The following GABRG3 variants were observed in gnomAD, a reference collection of about 807,000 sequenced individuals.
GABRG3 encodes the protein gamma-aminobutyric acid type A receptor subunit gamma3.
GABRG3 carries 25 observed loss-of-function variants against 48.8 expected under a neutral mutation model. The observed-to-expected ratio is 0.51, with a 90% CI of 0.37 to 0.72. The LOEUF (loss-of-function observed/expected upper bound fraction) is 0.72. Among genes scored for constraint, GABRG3 ranks in the 30% least tolerant of loss-of-function variants. The pLI, the probability that GABRG3 is intolerant of heterozygous loss-of-function variation, is 0.00. For synonymous variants in GABRG3, 227 were observed against 217.6 expected, an observed-to-expected ratio of 1.04 and a Z score of -0.38; for missense variants, 394 against 577.9, an observed-to-expected ratio of 0.68 and a Z score of 3.26.
At chr15:27,240,751 CTT>C (rs1410098070) in intron 3 of GABRG3, among the ~76,000 whole-genome samples, 1 of 152,126 alleles carries the variant, frequency 6.6e-6, no homozygotes, top group African/African-American at 2.4e-5. Flanking sequence ...TGATCAATAA[CTT>C]TTCACAGAGA....
At chr15:27,244,698 G>C (rs1015360595) in intron 3 of GABRG3, among the ~76,000 whole-genome samples, 1 of 152,074 alleles carries the variant, frequency 6.6e-6, no homozygotes, top group Non-Finnish European at 1.5e-5. Context: ...TGGGAGGATC[G>C]CTTGAGCCCA....
chr15:27,220,937 A>G (rs1889432817), intron 3 of GABRG3, among the ~76,000 whole-genome samples: 1 of 152,078 alleles, frequency 6.6e-6, no homozygotes, highest in African/African-American at 2.4e-5. Flanking sequence ...TTCAGAATGG[A>G]CAATAATGCA....
intron 6 of GABRG3, among the ~76,000 whole-genome samples, chr15:27,487,392 T>C (rs557137637): frequency 1.3e-5 from 2 of 152,316 alleles, no homozygotes; most frequent in East Asian, 3.9e-4. Context: ...CTCTATACTT[T>C]GAGCAAGGTG....
chr15:27,470,877 C>T (rs1889767714), intron 5 of GABRG3, among the ~76,000 whole-genome samples: 1 of 150,882 alleles, frequency 6.6e-6, no homozygotes, highest in Admixed American at 6.6e-5. Flanking sequence ...GGAATTTATT[C>T]ATATTTCTCA....
chr15:27,173,886 T>G (rs1001855503), intron 3 of GABRG3, among the ~76,000 whole-genome samples: 1 of 151,584 alleles, frequency 6.6e-6, no homozygotes, highest in African/African-American at 2.4e-5. Flanking sequence ...TCTCTGAAAA[T>G]AAAAAAAGAA....
At chr15:26,977,205 T>A in intron 2 of GABRG3, 55 bp downstream of exon 2, 1 of 1,546,502 alleles carries the variant, frequency 6.5e-7, no homozygotes, top group South Asian at 1.2e-5. Flanking sequence ...TGATATGAAG[T>A]TTTTACTTTT....
chr15:27,530,641 C>T (rs1429468997), intron 9 of GABRG3: 2 of 471,112 alleles, frequency 4.2e-6, no homozygotes, highest in Non-Finnish European at 8.8e-6. Context: ...TGCCTGTGGC[C>T]TCCAAGGGTT....
chr15:27,310,098 T>C (rs1006841689), intron 3 of GABRG3, among the ~76,000 whole-genome samples: 206 of 152,122 alleles, frequency 1.4e-3, no homozygotes, highest in African/African-American at 4.6e-3. Flanking sequence ...TATATTCTAC[T>C]CCCTCCCAAC....
At chr15:27,019,018 C>G (rs1753175119) in intron 2 of GABRG3, among the ~76,000 whole-genome samples, 1 of 135,068 alleles carries the variant, frequency 7.4e-6, no homozygotes. Flanking sequence ...TGGTAAAAAA[C>G]AGTACTAATC....
At chr15:27,122,594 A>G (rs576889519) in intron 3 of GABRG3, among the ~76,000 whole-genome samples, 1 of 152,328 alleles carries the variant, frequency 6.6e-6, no homozygotes, top group Admixed American at 6.5e-5. Context: ...AAAGCAATGC[A>G]ACATGATTTC....
intron 3 of GABRG3, among the ~76,000 whole-genome samples, chr15:27,181,748 A>G (rs1027226996): frequency 6.6e-6 from 1 of 152,152 alleles, no homozygotes; most frequent in Non-Finnish European, 1.5e-5. Flanking sequence ...ACAGCAGTGG[A>G]CAAAAGATCC....
rs535827585 is a variant in GABRG3 at position 27,321,897 on chromosome 15, C to T, written c.271-4912C>T. ...TTTTCTTAAAATGATCCGCGTGTCG[C>T]GGTAATTCGTGGCTTATTTGGAAAT... On this transcript the variant is annotated intron_variant, in intron 3 of 9. Transcript: ENST00000615808. Among the ~76,000 whole-genome samples the T allele has an allele frequency of 2.7e-4, 41 of 152,336 alleles. No individual in the cohort carries two copies. In the South Asian group the frequency reaches 8.1e-3, roughly 30 times the overall value.
At chr15:27,288,552 G>A (rs1032181064) in intron 3 of GABRG3, among the ~76,000 whole-genome samples, 1 of 151,964 alleles carries the variant, frequency 6.6e-6, no homozygotes, top group Non-Finnish European at 1.5e-5. Flanking sequence ...CCACTGATCT[G>A]ACAGGAGGTA....
At chr15:27,368,782 A>G (rs1003329234) in intron 5 of GABRG3, among the ~76,000 whole-genome samples, 1 of 152,160 alleles carries the variant, frequency 6.6e-6, no homozygotes, top group Non-Finnish European at 1.5e-5. Context: ...ATCTATCTGC[A>G]TGGGAGTCTG....
intron 5 of GABRG3, among the ~76,000 whole-genome samples, chr15:27,368,987 T>G (rs1895305540): frequency 6.6e-6 from 1 of 152,238 alleles, no homozygotes; most frequent in Non-Finnish European, 1.5e-5. Context: ...TTTCTGAAAC[T>G]TGAGTTTAAG....
intron 3 of GABRG3, among the ~76,000 whole-genome samples, chr15:27,192,991 T>G (rs1269621085): frequency 6.6e-6 from 1 of 152,160 alleles, no homozygotes; most frequent in East Asian, 1.9e-4. Context: ...CTCCAGACCC[T>G]GTTTGCCTGG....
At chr15:27,397,105 A>G (rs1454678130) in intron 5 of GABRG3, among the ~76,000 whole-genome samples, 1 of 152,234 alleles carries the variant, frequency 6.6e-6, no homozygotes, top group Non-Finnish European at 1.5e-5. Flanking sequence ...AAAATCTGCC[A>G]GAGTGTAAGC....
At chr15:27,308,375 A>G (rs914993452) in intron 3 of GABRG3, among the ~76,000 whole-genome samples, 6 of 145,536 alleles carry the variant, frequency 4.1e-5, no homozygotes, top group African/African-American at 9.9e-5. Context: ...ACATATAAAC[A>G]TTTGTTTATA....
chr15:27,048,716 T>C (rs940346895), intron 3 of GABRG3, among the ~76,000 whole-genome samples: 2 of 152,206 alleles, frequency 1.3e-5, no homozygotes, highest in African/African-American at 4.8e-5. Context: ...GAAATTTCCT[T>C]ATACTTAAAT....
Sources: gnomAD v4.1 joint callset for allele counts (sites outside exome capture counted in the v4.1 genomes callset) on GRCh38, gnomAD v4.1.1 for gene constraint, MANE v1.5 for transcripts, NCBI Gene and HGNC (gene_info 2026-07-23, HGNC 2026-07-21) for gene names.